The following RELN variants were observed in gnomAD, a reference collection of about 807,000 sequenced individuals.
RELN encodes reelin.
A neutral mutation model predicts 427.6 loss-of-function variants in RELN; 108 were observed. The ratio of observed to expected loss-of-function variants is 0.25; its 90% CI spans 0.22 to 0.30. The LOEUF (loss-of-function observed/expected upper bound fraction) is 0.30. RELN is among the 10% of genes least tolerant of loss of function. RELN has a pLI of 1.00. For synonymous variants in RELN, 1,524 were observed against 1,513.4 expected (o/e 1.01, Z -0.16); for missense variants, 3,715 against 4,302.8 (o/e 0.86, Z 3.82).
chr7:103,508,165 TC>T (rs978698973), intron 51 of RELN, among the ~76,000 whole-genome samples: 6 of 151,818 alleles, frequency 4.0e-5, no homozygotes, highest in Admixed American at 3.9e-4. Flanking sequence ...AAAGAGGGAA[TC>T]CCCCCTAACT....
Position 103,589,805 on chromosome 7 carries a change from T to C in RELN, c.3936A>G (p.Gln1312=). The C allele has an allele frequency of 1.2e-6, 2 of 1,609,098 alleles. No homozygotes were observed. The highest frequency in any genetic ancestry group is 1.7e-6 in the Non-Finnish European group (2 of 1,175,456). The change falls in exon 28 of 65, where the codon CAA becomes CAG. Residue 1312 remains glutamine, a synonymous_variant. Transcript: ENST00000428762. The part of the protein sequence containing the change: ...QFKLNIGCAN[Q]FSSTAPVLLQ... ...GAAGAACTGGAGCAGTACTGCTGAA[T>C]TGATTGGCACAACCTATGTTTAGCT...
chr7:103,561,483 G>T, intron 36 of RELN, 49 bp downstream of exon 36: 1 of 1,351,006 alleles, frequency 7.4e-7, no homozygotes, highest in Non-Finnish European at 1.1e-6. Context: ...GACTGAAGAA[G>T]ACAATGTTAG....
chr7:103,944,055 G>C (rs1181192118), intron 1 of RELN, among the ~76,000 whole-genome samples: 3 of 151,786 alleles, frequency 2.0e-5, no homozygotes, highest in Non-Finnish European at 2.9e-5. Context: ...GATCAAACAG[G>C]GGCTGGAACT....
At chr7:103,890,108 G>A (rs973998045) in intron 2 of RELN, among the ~76,000 whole-genome samples, 15 of 151,714 alleles carry the variant, frequency 9.9e-5, no homozygotes, top group African/African-American at 3.4e-4. Flanking sequence ...TCATCACTAT[G>A]TCTCTGGTTT....
intron 27 of RELN, among the ~76,000 whole-genome samples, chr7:103,592,974 T>A (rs1157389186): frequency 2.6e-5 from 4 of 152,208 alleles, no homozygotes; most frequent in Non-Finnish European, 1.5e-5. Context: ...AAGAGCTGCC[T>A]ATAAACATCT....
intron 1 of RELN, among the ~76,000 whole-genome samples, chr7:103,922,334 T>C (rs1434593495): frequency 6.6e-6 from 1 of 152,172 alleles, no homozygotes; most frequent in South Asian, 2.1e-4. Flanking sequence ...ATCTGTATTT[T>C]GTATGTGAAT....
chr7:103,754,252 T>G (rs1384529562), intron 4 of RELN, among the ~76,000 whole-genome samples: 1 of 152,322 alleles, frequency 6.6e-6, no homozygotes, highest in Non-Finnish European at 1.5e-5. Flanking sequence ...TTACATATTC[T>G]GTGTTAATAA....
chr7:103,907,216 G>C (rs372109053), intron 2 of RELN, among the ~76,000 whole-genome samples: 1 of 151,578 alleles, frequency 6.6e-6, no homozygotes, highest in African/African-American at 2.4e-5. Flanking sequence ...AGGAGACTGA[G>C]ACCATCCTGG....
intron 19 of RELN, among the ~76,000 whole-genome samples, chr7:103,633,978 T>TG (rs1219903105): frequency 2.6e-5 from 4 of 152,168 alleles, no homozygotes; most frequent in African/African-American, 9.6e-5. Context: ...ATACAGCTGG[T>TG]GCATTCTTAA....
intron 11 of RELN, among the ~76,000 whole-genome samples, chr7:103,667,369 T>C (rs918385174): frequency 1.3e-5 from 2 of 152,238 alleles, no homozygotes; most frequent in Non-Finnish European, 2.9e-5. Context: ...TTTTAACATG[T>C]TAAATAATCA....
chr7:103,904,375 A>C (rs1329783338), intron 2 of RELN, among the ~76,000 whole-genome samples: 2 of 152,162 alleles, frequency 1.3e-5, no homozygotes, highest in Non-Finnish European at 1.5e-5. Context: ...ATATCCAGTA[A>C]TGGGATTGCT....
At chr7:103,689,821 A>G (rs1360816180) in intron 10 of RELN, among the ~76,000 whole-genome samples, 1 of 152,188 alleles carries the variant, frequency 6.6e-6, no homozygotes, top group African/African-American at 2.4e-5. Flanking sequence ...AGGCAGCTGC[A>G]GCAGCTCCAG....
At chr7:103,959,918 C>A (rs12666713) in intron 1 of RELN, among the ~76,000 whole-genome samples, 15,750 of 152,094 alleles carry the variant, frequency 0.1, 985 homozygotes, top group Middle Eastern at 0.21. Flanking sequence ...AATCTTACCA[C>A]ATCTCACCTT....
intron 3 of RELN, among the ~76,000 whole-genome samples, chr7:103,804,751 A>T (rs1227414322): frequency 6.6e-6 from 1 of 152,146 alleles, no homozygotes. Flanking sequence ...CAAACTCCTT[A>T]ATCTTAAATA....
Position 103,623,891 on chromosome 7 carries a change from T to C in RELN, c.2702+6049A>G, listed in dbSNP as rs114266615. On this transcript the variant is annotated intron_variant, in intron 20 of 64. Transcript: ENST00000428762. ...TTGAGTTACCCATTACTACACATTA[T>C]TGTGGATTCCTGATGGTCCTTATAA... Among the ~76,000 whole-genome samples, 692 of 152,264 alleles carry C rather than the reference T, an allele frequency of 4.5e-3. 9 individuals carry two copies. The highest frequency in any genetic ancestry group is 0.016 in the African/African-American group (659 of 41,548).
intron 1 of RELN, among the ~76,000 whole-genome samples, chr7:103,932,842 T>G (rs1466052901): frequency 2.0e-5 from 3 of 152,292 alleles, no homozygotes; most frequent in Middle Eastern, 3.4e-3. Flanking sequence ...GGCAGTTAAT[T>G]CCTTCCAGCA....
At chr7:103,921,584 ATT>A (rs1795618663) in intron 1 of RELN, among the ~76,000 whole-genome samples, 1 of 152,214 alleles carries the variant, frequency 6.6e-6, no homozygotes, top group African/African-American at 2.4e-5. Context: ...CATGTATATT[ATT>A]ATCTATAATT....
intron 1 of RELN, among the ~76,000 whole-genome samples, chr7:103,954,287 G>A (rs1796390812): frequency 6.6e-6 from 1 of 152,000 alleles, no homozygotes; most frequent in Non-Finnish European, 1.5e-5. Context: ...AAACTTACCA[G>A]CCTCGTGTAA....
At chr7:103,733,425 C>A (rs1475845597) in intron 6 of RELN, among the ~76,000 whole-genome samples, 1 of 133,212 alleles carries the variant, frequency 7.5e-6, no homozygotes, top group African/African-American at 2.9e-5. Context: ...TTTGACCCAG[C>A]CATCCCATTA....
Sources: gnomAD v4.1 joint callset for allele counts (sites outside exome capture counted in the v4.1 genomes callset) on GRCh38, gnomAD v4.1.1 for gene constraint, MANE v1.5 for transcripts, NCBI Gene and HGNC (gene_info 2026-07-23, HGNC 2026-07-21) for gene names.